Variants in SLC16A2 observed in about 807,000 individuals in gnomAD.
SLC16A2 encodes solute carrier family 16 member 2.
A neutral mutation model predicts 27.2 loss-of-function variants in SLC16A2; 3 were observed. The observed-to-expected ratio is 0.11, with a 90% CI of 0.05 to 0.28. The LOEUF is 0.28. Among genes scored for constraint, SLC16A2 ranks in the 10% least tolerant of loss-of-function variants. The pLI, the probability that SLC16A2 is intolerant of heterozygous loss-of-function variation, is 1.00. For synonymous variants in SLC16A2, 202 were observed against 187.8 expected (o/e 1.08, Z -0.62); for missense variants, 295 against 458.5 (o/e 0.64, Z 3.26).
intron 1 of SLC16A2, among the ~76,000 whole-genome samples, chrX:74,463,168 G>A (rs1929186140): frequency 8.9e-6 from 1 of 111,839 alleles, no homozygotes; most frequent in African/African-American, 3.3e-5. Context: ...AATCGGTGGA[G>A]TTTCCAGTAG....
At chrX:74,484,613 A>C (rs972408076) in intron 1 of SLC16A2, among the ~76,000 whole-genome samples, 3 of 112,389 alleles carry the variant, frequency 2.7e-5, no homozygotes, top group African/African-American at 9.7e-5. Flanking sequence ...ACAGTCTCTC[A>C]GGTTAAATTT....
At chrX:74,498,404 C>T (rs762676159) in intron 1 of SLC16A2, among the ~76,000 whole-genome samples, 119 of 65,938 alleles carry the variant, frequency 1.8e-3, no homozygotes, top group African/African-American at 4.2e-3. Flanking sequence ...TCCTGTTAAC[C>T]CCCCTCAACC....
At chrX:74,433,691 C>T (rs1205206235) in intron 1 of SLC16A2, among the ~76,000 whole-genome samples, 1 of 112,025 alleles carries the variant, frequency 8.9e-6, no homozygotes, top group African/African-American at 3.2e-5. Context: ...TATCTTGGTA[C>T]ATTAAGTTCA....
chrX:74,427,288 G>A (rs769027284), intron 1 of SLC16A2, among the ~76,000 whole-genome samples: 113 of 111,647 alleles, frequency 1.0e-3, no homozygotes, highest in Non-Finnish European at 1.7e-3. Flanking sequence ...CAAACAGGGC[G>A]TTTTGATAGC....
At chrX:74,511,268 G>A (rs762194072) in intron 1 of SLC16A2, among the ~76,000 whole-genome samples, 1 of 110,122 alleles carries the variant, frequency 9.1e-6, no homozygotes, top group Non-Finnish European at 1.9e-5. Context: ...TGAAAGCTCC[G>A]CCTCCCAGGT....
intron 1 of SLC16A2, among the ~76,000 whole-genome samples, chrX:74,510,486 C>T (rs1335736041): frequency 8.9e-6 from 1 of 112,299 alleles, no homozygotes; most frequent in African/African-American, 3.2e-5. Flanking sequence ...TGGCCATAGG[C>T]CATTAAGTAG....
chrX:74,493,778 G>C (rs1286989204), intron 1 of SLC16A2, among the ~76,000 whole-genome samples: 1 of 111,560 alleles, frequency 9.0e-6, no homozygotes, highest in African/African-American at 3.3e-5. Context: ...AGGTGCAGGT[G>C]CGTGCATTCC....
At position 74,524,447 on chromosome X, in the gene SLC16A2, C is replaced by T; in HGVS notation, c.664C>T (p.His222Tyr). 1 of 1,211,892 alleles carries T rather than the reference C, an allele frequency of 8.3e-7. No homozygotes were observed. Among genetic ancestry groups the T allele is most frequent in the Non-Finnish European group, 1.1e-6 (1 of 895,569 alleles). The change falls in exon 3 of 6, where the codon CAC (histidine) becomes TAC (tyrosine). Residue 222 changes from histidine to tyrosine, a missense_variant. By Grantham distance (83) the His-to-Tyr change is moderately conservative. This residue lies in a region of SLC16A2 where 59 missense variants were observed against 153.6 expected (regional missense o/e 0.38). Transcript: ENST00000587091. Reference sequence around the variant, plus strand: ...TCAGCCATCCCTCGTCATCCTGGGCCACTACTTTCAACGCCGCCTGGGTCT... The same window carrying T: ...TCAGCCATCCCTCGTCATCCTGGGCTACTACTTTCAACGCCGCCTGGGTCT... ...AFQPSLVILG[H>Y]YFQRRLGLAN...
intron 1 of SLC16A2, among the ~76,000 whole-genome samples, chrX:74,478,074 G>T (rs1602123203): frequency 9.0e-6 from 1 of 111,560 alleles, no homozygotes; most frequent in South Asian, 3.8e-4. Flanking sequence ...TCTATCTAAG[G>T]TTGACAGTGG....
chrX:74,482,945 T>C (rs756258953), intron 1 of SLC16A2, among the ~76,000 whole-genome samples: 7 of 112,088 alleles, frequency 6.2e-5, no homozygotes, highest in African/African-American at 1.9e-4. Flanking sequence ...ACTCAAGTGA[T>C]CCTCTTGCTT....
At chrX:74,447,278 T>C (rs1270737490) in intron 1 of SLC16A2, among the ~76,000 whole-genome samples, 3 of 112,144 alleles carry the variant, frequency 2.7e-5, no homozygotes, top group African/African-American at 9.7e-5. Context: ...TCTGAACACA[T>C]GGTCAATTTC....
At chrX:74,433,091 G>A (rs1382037880) in intron 1 of SLC16A2, among the ~76,000 whole-genome samples, 2 of 111,681 alleles carry the variant, frequency 1.8e-5, no homozygotes, top group Non-Finnish European at 3.8e-5. Flanking sequence ...GAGCACACAG[G>A]CCAGGCATGG....
intron 1 of SLC16A2, among the ~76,000 whole-genome samples, chrX:74,442,314 C>G (rs186893218): frequency 9.1e-6 from 1 of 110,035 alleles, no homozygotes; most frequent in Non-Finnish European, 1.9e-5. Context: ...TAGCGTTGGC[C>G]GAGGAATTGG....
intron 1 of SLC16A2, among the ~76,000 whole-genome samples, chrX:74,448,456 C>T (rs990019975): frequency 8.2e-5 from 9 of 109,692 alleles, no homozygotes; most frequent in South Asian, 4.0e-4. Context: ...ATATTATGTT[C>T]TCTCACCCTT....
chrX:74,457,749 G>T (rs892998033), intron 1 of SLC16A2, among the ~76,000 whole-genome samples: 1 of 109,853 alleles, frequency 9.1e-6, no homozygotes, highest in African/African-American at 3.3e-5. Flanking sequence ...AGAACCACCC[G>T]CCAGCCTCCA....
rs1027954625 is a variant in SLC16A2 at position 74,421,908 on chromosome X, G to A, written c.271G>A (p.Gly91Ser). 11 of 1,209,640 alleles carry A rather than the reference G, an allele frequency of 9.1e-6. No homozygotes were observed. Among genetic ancestry groups the A allele is most frequent in the Non-Finnish European group, 1.2e-5 (11 of 894,977 alleles). ...GGTAGAGACCCGCGGCACCGCGCGC[G>A]GCTTCCAGCCTCCCGAAGGTGGCTT... ...PTVETRGTAR[G>S]FQPPEGGFGW... The change falls in exon 1 of 6, where the codon GGC becomes AGC. Residue 91 changes from glycine (G) to serine (S), a missense_variant. Gly to Ser is a moderately conservative substitution (Grantham distance 56). Around this residue, in one of 3 missense-constraint regions of SLC16A2, gnomAD observed 92 missense variants for 85.1 expected, o/e 1.08. Coordinates refer to ENST00000587091, the MANE Select transcript of SLC16A2 (RefSeq NM_006517.5).
At chrX:74,472,275 C>T (rs1030198746) in intron 1 of SLC16A2, among the ~76,000 whole-genome samples, 2 of 111,753 alleles carry the variant, frequency 1.8e-5, no homozygotes, top group Non-Finnish European at 3.8e-5. Flanking sequence ...TTTCTAAAAA[C>T]TATTGCCTAT....
At chrX:74,450,627 T>C (rs946640342) in intron 1 of SLC16A2, among the ~76,000 whole-genome samples, 1 of 111,979 alleles carries the variant, frequency 8.9e-6, no homozygotes, top group African/African-American at 3.2e-5. Context: ...CTTGGGGTTT[T>C]GGACCAAGCC....
rs759386612 is a variant in SLC16A2 at position 74,467,340 on chromosome X, G to A, written c.430+45273G>A. On this transcript the variant is annotated intron_variant, in intron 1 of 5. Transcript: ENST00000587091. ...AGTTGGGGTCTAAGGCTAAGGGGGG[G>A]CTTCTAAAACAAAGAGAATATCCCA... Among the ~76,000 whole-genome samples, 4 of 111,602 alleles carry A rather than the reference G, an allele frequency of 3.6e-5. No homozygotes were observed. In the South Asian group the frequency reaches 1.5e-3, roughly 42 times the overall value.
Sources: allele counts gnomAD v4.1 joint callset (sites outside exome capture counted in the v4.1 genomes callset), GRCh38; gene constraint gnomAD v4.1.1; regional missense constraint gnomAD v4.1.1; transcripts MANE v1.5; gene names NCBI Gene and HGNC (gene_info 2026-07-23, HGNC 2026-07-21).